MMS19: variants seen among roughly 807,000 people sequenced by gnomAD.
MMS19 encodes MMS19 cytosolic iron-sulfur assembly component, also known as MMS19 nucleotide excision repair protein homolog.
MMS19 carries 77 observed loss-of-function variants against 129.8 expected under a neutral mutation model. The ratio of observed to expected loss-of-function variants is 0.59; its 90% CI spans 0.49 to 0.72. The LOEUF is 0.72. Among genes scored for constraint, MMS19 ranks in the 30% least tolerant of loss-of-function variants. MMS19 has a pLI of 0.00. For missense variants in MMS19, 1,168 were observed against 1,266.3 expected, an observed-to-expected ratio of 0.92 and a Z score of 1.18; for synonymous variants, 491 against 502.8, an observed-to-expected ratio of 0.98 and a Z score of 0.31.
At chr10:97,467,668 C>G in intron 13 of MMS19, 85 bp from the exon 14 acceptor site, 1 of 1,320,410 alleles carries the variant, frequency 7.6e-7, no homozygotes, top group Non-Finnish European at 1.1e-6. Flanking sequence ...AAAATTCTTT[C>G]TTTCTTCCAA....
chr10:97,486,535 T>C (rs995166020), intron 1 of MMS19, among the ~76,000 whole-genome samples: 1 of 152,096 alleles, frequency 6.6e-6, no homozygotes. Context: ...TCTTGCTAAG[T>C]GAAGTAAGCC....
At chr10:97,461,157 G>T in intron 23 of MMS19, 150 bp from the exon 24 acceptor site, 1 of 658,620 alleles carries the variant, frequency 1.5e-6, no homozygotes, top group Non-Finnish European at 2.6e-6. Context: ...TTGGACACCT[G>T]CATAAGAGCC....
Position 97,477,922 on chromosome 10 carries a change from C to G in MMS19, c.356G>C (p.Cys119Ser), listed in dbSNP as rs201251000. The G allele has an allele frequency of 6.2e-7, 1 of 1,603,012 alleles. No homozygotes were observed. Among genetic ancestry groups the G allele is most frequent in the African/African-American group, 1.3e-5 (1 of 74,642 alleles). ...VLQGLKALSL[C>S]VALPPGLAVS... ...AGCCAGCCCTGGGGGCAGGGCCACACACAGGCTCTGGGGGAGAGGAGAAGG... is the reference window on the plus strand; with the variant it reads ...AGCCAGCCCTGGGGGCAGGGCCACAGACAGGCTCTGGGGGAGAGGAGAAGG... The change falls in exon 5 of 31, where the codon TGT becomes TCT. Residue 119 changes from cysteine (C) to serine (S), a missense_variant. Transcript: ENST00000438925.
At chr10:97,470,890 G>C in intron 8 of MMS19, 29 bp from the exon 9 acceptor site, 1 of 1,605,366 alleles carries the variant, frequency 6.2e-7, no homozygotes, top group Non-Finnish European at 8.5e-7. Context: ...CTGTGGGTTT[G>C]TGTAACATTT....
chr10:97,484,742 C>G (rs1247372020), intron 1 of MMS19, among the ~76,000 whole-genome samples: 1 of 152,136 alleles, frequency 6.6e-6, no homozygotes, highest in Non-Finnish European at 1.5e-5. Flanking sequence ...ACGGTGAAAC[C>G]CTGTCTCTAT....
intron 4 of MMS19, among the ~76,000 whole-genome samples, 152 bp downstream of exon 4, chr10:97,478,152 G>A (rs2036115121): frequency 6.6e-6 from 1 of 152,164 alleles, no homozygotes; most frequent in African/African-American, 2.4e-5. Flanking sequence ...CTCTCTAGAG[G>A]GAAAACGGAA....
intron 3 of MMS19, among the ~76,000 whole-genome samples, chr10:97,478,764 A>C (rs925754147): frequency 5.3e-5 from 8 of 152,200 alleles, no homozygotes; most frequent in Admixed American, 2.0e-4. Flanking sequence ...AGTAGCATAG[A>C]CAACAGGGAA....
chr10:97,469,553 G>A, intron 11 of MMS19, 93 bp downstream of exon 11: 1 of 1,030,492 alleles, frequency 9.7e-7, no homozygotes, highest in South Asian at 1.4e-5. Context: ...TTGGCCCTGG[G>A]GATGACAGAG....
At position 97,460,765 on chromosome 10, in the gene MMS19, C is replaced by G. The variant is rs1564616979; in HGVS notation, c.2413-14G>C. On this transcript the variant is annotated splice_polypyrimidine_tract_variant and intron_variant, in intron 24 of 30. Coordinates refer to ENST00000438925, the MANE Select transcript of MMS19 (RefSeq NM_022362.5). The stretch of plus-strand genomic sequence containing the variant: ...GGCCTTTGTTACCTGTAATTGGAGA[C>G]AGAGAGAGCAATTGGGGAATGACAC... 1.9e-6 allele frequency: 3 copies of G among 1,590,624 alleles called. No individual in the cohort carries two copies. Among genetic ancestry groups the G allele is most frequent in the African/African-American group, 1.3e-5 (1 of 74,628 alleles).
intron 1 of MMS19, among the ~76,000 whole-genome samples, chr10:97,487,322 T>TTC (rs1554852834): frequency 1.3e-5 from 1 of 78,072 alleles, no homozygotes; most frequent in African/African-American, 4.1e-5. Flanking sequence ...AAATTTCTTT[T>TTC]TTTTTTTTTT....
chr10:97,479,986 A>G (rs2036456797), intron 3 of MMS19, among the ~76,000 whole-genome samples: 1 of 152,198 alleles, frequency 6.6e-6, no homozygotes, highest in African/African-American at 2.4e-5. Flanking sequence ...AATGAAATCC[A>G]TTAGAAACTG....
intron 8 of MMS19, 41 bp downstream of exon 8, chr10:97,476,642 A>G (rs1258570894): frequency 6.3e-7 from 1 of 1,598,474 alleles, no homozygotes; most frequent in Admixed American, 1.7e-5. Flanking sequence ...CATAGCAGAC[A>G]CTCAATAAAT....
chr10:97,468,813 T>C (rs771039323), intron 12 of MMS19, among the ~76,000 whole-genome samples, 153 bp downstream of exon 12: 10 of 152,172 alleles, frequency 6.6e-5, no homozygotes, highest in Admixed American at 2.0e-4. Flanking sequence ...TTCACCATGT[T>C]GGCCAGGCTG....
At chr10:97,460,660 G>A in intron 25 of MMS19, 35 bp downstream of exon 25, 1 of 1,544,994 alleles carries the variant, frequency 6.5e-7, no homozygotes, top group African/African-American at 1.4e-5. Context: ...AGTTTGTTTA[G>A]GTCCTGGGTT....
intron 18 of MMS19, among the ~76,000 whole-genome samples, chr10:97,464,409 T>C (rs1361692539): frequency 6.6e-6 from 1 of 152,210 alleles, no homozygotes; most frequent in African/African-American, 2.4e-5. Flanking sequence ...TTCATTCTAC[T>C]ATGTAACAGC....
chr10:97,467,972 T>C (rs1405139246), intron 13 of MMS19, among the ~76,000 whole-genome samples: 1 of 151,938 alleles, frequency 6.6e-6, no homozygotes, highest in Non-Finnish European at 1.5e-5. Flanking sequence ...CCTGCTTGGC[T>C]AATTTAAAAA....
intron 1 of MMS19, among the ~76,000 whole-genome samples, chr10:97,493,719 A>C (rs901318090): frequency 3.3e-5 from 5 of 152,244 alleles, no homozygotes; most frequent in Non-Finnish European, 7.3e-5. Flanking sequence ...ATTATCCAAA[A>C]TTAAAAATAA....
intron 5 of MMS19, 148 bp from the exon 6 acceptor site, chr10:97,477,564 G>A: frequency 8.9e-7 from 1 of 1,123,864 alleles, no homozygotes; most frequent in Non-Finnish European, 1.3e-6. Context: ...GAAAGGGTAT[G>A]GATATTGACT....
intron 13 of MMS19, among the ~76,000 whole-genome samples, chr10:97,467,966 CT>C (rs1345942132): frequency 2.6e-5 from 4 of 151,636 alleles, no homozygotes; most frequent in African/African-American, 9.7e-5. Flanking sequence ...GCATGTCCTG[CT>C]TGGCTAATTT....
Sources: gnomAD v4.1 joint callset for allele counts (sites outside exome capture counted in the v4.1 genomes callset) on GRCh38, gnomAD v4.1.1 for gene constraint, MANE v1.5 for transcripts, NCBI Gene and HGNC (gene_info 2026-07-23, HGNC 2026-07-21) for gene names.